LGSN: variants seen among roughly 807,000 people sequenced by gnomAD.
The protein encoded by LGSN is lengsin, lens protein with glutamine synthetase domain, also known as lengsin.
A neutral mutation model predicts 19.5 loss-of-function variants in LGSN; 21 were observed. The ratio of observed to expected loss-of-function variants is 1.07; its 90% confidence interval spans 0.76 to 1.55. The LOEUF (loss-of-function observed/expected upper bound fraction) is 1.55, where lower values mean the gene tolerates loss of function less well. Among genes scored for constraint, LGSN ranks in the 40% most tolerant of loss-of-function variants. LGSN has a pLI of 0.00. For synonymous variants in LGSN, 257 were observed against 215.6 expected (o/e 1.19, Z -1.68); for missense variants, 673 against 608.5 (o/e 1.11, Z -1.12).
At chr6:63,514,944 A>C in the LGSN span, among the ~76,000 whole-genome samples, 1 of 151,408 alleles carries the variant, frequency 6.6e-6, no homozygotes, top group Non-Finnish European at 1.5e-5. Flanking sequence ...ATGAAAGGGT[A>C]CCTCCTACCT....
At chr6:63,370,031 G>GAGA in the LGSN span, among the ~76,000 whole-genome samples, 17 of 151,770 alleles carry the variant, frequency 1.1e-4, no homozygotes, top group East Asian at 1.9e-4. Context: ...GAAGGAGAAG[G>GAGA]AGAAGAAGAA....
At chr6:63,316,826 T>C (rs1403189635) in intron 1 of LGSN, among the ~76,000 whole-genome samples, 1 of 151,924 alleles carries the variant, frequency 6.6e-6, no homozygotes, top group Non-Finnish European at 1.5e-5. Flanking sequence ...GATCCAAGAA[T>C]GTTATGGAAC....
the LGSN span, among the ~76,000 whole-genome samples, chr6:63,420,624 G>A: frequency 2.0e-5 from 3 of 152,144 alleles, no homozygotes; most frequent in African/African-American, 2.4e-5. Context: ...GTAAAAAGGT[G>A]GTAGCGCCTT....
At chr6:63,540,217 G>C in the LGSN span, among the ~76,000 whole-genome samples, 2 of 152,136 alleles carry the variant, frequency 1.3e-5, no homozygotes, top group Non-Finnish European at 2.9e-5. Context: ...CTTACTCCTT[G>C]AACAACCTAC....
chr6:63,565,527 G>C, the LGSN span, among the ~76,000 whole-genome samples: 1 of 152,082 alleles, frequency 6.6e-6, no homozygotes, highest in African/African-American at 2.4e-5. Context: ...ATGATGACTT[G>C]ATAAGATGTT....
chr6:63,459,508 G>A, the LGSN span, among the ~76,000 whole-genome samples: 394 of 151,960 alleles, frequency 2.6e-3, 3 homozygotes, highest in African/African-American at 9.0e-3. Context: ...TCCAACCTCC[G>A]CCTCCCAAAA....
At chr6:63,323,905 G>A (rs1378595111), upstream of LGSN, among the ~76,000 whole-genome samples, 1 of 151,302 alleles carries the variant, frequency 6.6e-6, no homozygotes, top group East Asian at 1.9e-4. Context: ...CCAGATAGCT[G>A]GGATTACAGG....
chr6:63,549,378 G>A, the LGSN span: 36 of 753,962 alleles, frequency 4.8e-5, no homozygotes, highest in Non-Finnish European at 7.5e-5. Flanking sequence ...TGGGCTGAAT[G>A]TCCTGTCCAA....
At chr6:63,365,977 A>G in the LGSN span, among the ~76,000 whole-genome samples, 1 of 152,224 alleles carries the variant, frequency 6.6e-6, no homozygotes, top group South Asian at 2.1e-4. Context: ...CCCACAGCCA[A>G]TATCATACTG....
the LGSN span, among the ~76,000 whole-genome samples, chr6:63,378,273 G>GAC: frequency 6.6e-6 from 1 of 152,118 alleles, no homozygotes; most frequent in Non-Finnish European, 1.5e-5. Context: ...CAGGGGAACA[G>GAC]ACATCTGAAT....
the LGSN span, among the ~76,000 whole-genome samples, chr6:63,445,347 G>T: frequency 1.2e-4 from 18 of 152,086 alleles, no homozygotes; most frequent in Admixed American, 1.2e-3. Context: ...GTCAGGCACG[G>T]TGGCTCACGC....
the LGSN span, among the ~76,000 whole-genome samples, chr6:63,352,858 T>C: frequency 1.3e-5 from 2 of 150,034 alleles, no homozygotes; most frequent in Non-Finnish European, 3.0e-5. Context: ...AACAGCTGGA[T>C]TTTTTTTTAA....
chr6:63,434,992 G>T, the LGSN span, among the ~76,000 whole-genome samples: 3 of 152,266 alleles, frequency 2.0e-5, no homozygotes, highest in Admixed American at 2.0e-4. Flanking sequence ...ACATTCATTA[G>T]CTACATGTAT....
the LGSN span, among the ~76,000 whole-genome samples, chr6:63,412,526 GAAGGAAAGAAAGAAAGAAA>G: frequency 2.6e-5 from 2 of 77,556 alleles, no homozygotes; most frequent in African/African-American, 1.1e-4. Flanking sequence ...AAGAAAGAAA[GAAGGAAAGAAAGAAAGAAA>G]GAAAGAAAGA....
At chr6:63,297,514 A>G (rs1457312605) in intron 1 of LGSN, among the ~76,000 whole-genome samples, 3 of 152,204 alleles carry the variant, frequency 2.0e-5, no homozygotes, top group Non-Finnish European at 4.4e-5. Flanking sequence ...GGTGATCAGC[A>G]TATAAACATA....
chr6:63,423,849 C>A, the LGSN span, among the ~76,000 whole-genome samples: 1 of 152,058 alleles, frequency 6.6e-6, no homozygotes, highest in African/African-American at 2.4e-5. Flanking sequence ...ACCATCCTGG[C>A]CAACGTGGTG....
At chr6:63,455,168 A>G in the LGSN span, among the ~76,000 whole-genome samples, 1 of 152,192 alleles carries the variant, frequency 6.6e-6, no homozygotes, top group Admixed American at 6.5e-5. Flanking sequence ...AGTTACAAGG[A>G]AAAAACAAAT....
chr6:63,554,193 T>C, the LGSN span, among the ~76,000 whole-genome samples: 1 of 152,214 alleles, frequency 6.6e-6, no homozygotes, highest in South Asian at 2.1e-4. Context: ...TTAGTTATAA[T>C]TTAGTTTTGC....
the LGSN span, among the ~76,000 whole-genome samples, chr6:63,340,550 T>C: frequency 6.6e-6 from 1 of 151,912 alleles, no homozygotes; most frequent in Non-Finnish European, 1.5e-5. Context: ...AGTCTATTGT[T>C]GAAGCTCTCC....
Sources: gnomAD v4.1 joint callset for allele counts (sites outside exome capture counted in the v4.1 genomes callset) on GRCh38, gnomAD v4.1.1 for gene constraint, MANE v1.5 for transcripts, NCBI Gene and HGNC (gene_info 2026-07-23, HGNC 2026-07-21) for gene names.